The following TSPYL5 variants were observed in gnomAD, a reference collection of about 807,000 sequenced individuals.
TSPYL5 encodes the protein testis-specific Y-encoded-like protein 5.
For synonymous variants in TSPYL5, 276 were observed against 236.1 expected (o/e 1.17, Z -1.55); for missense variants, 556 against 555.5 (o/e 1.00, Z -0.01).
Position 97,276,946 on chromosome 8 carries a change from C to T in TSPYL5, c.899G>A (p.Arg300His). The change falls in exon 1 of 1, where the codon CGC (arginine) becomes CAC (histidine). Residue 300 changes from arginine to histidine, a missense_variant. By Grantham distance (29) the Arg-to-His change is conservative. Coordinates refer to ENST00000322128, the MANE Select transcript of TSPYL5 (RefSeq NM_033512.3). ...LGYKIKFYFD[R>H]NPYFQNKVLI... ...CACCTTATTTTGGAAATACGGGTTG[C>T]GATCGAAGTAGAACTTGATTTTGTA... The T allele has an allele frequency of 1.2e-6, 2 of 1,614,164 alleles. No individual in the cohort carries two copies. The highest frequency in any genetic ancestry group is 1.1e-5 in the South Asian group (1 of 91,076).
Position 97,276,506 on chromosome 8 carries a change from GC to G in TSPYL5, c.*84del, listed in dbSNP as rs1272372113. 6.7e-7 allele frequency: 1 copy of G among 1,497,740 alleles called. No individual in the cohort carries two copies. The allele number at this position is 1,497,740 out of a possible 1,614,324, so 92.8% of individuals were successfully genotyped here. A position where few individuals can be genotyped will look rare whatever the true frequency, so the allele number is the denominator to read the frequency against. ...TCCAAAGGGTCTATAGTACACAGAG[GC>G]CAACATGAAGAGAAGGCAGAGAGCC... On this transcript the variant is annotated 3_prime_UTR_variant, in exon 1 of 1. Transcript: ENST00000322128.
chr8:97,276,807 G>C lies in TSPYL5; in HGVS notation c.1038C>G (p.Asn346Lys). 6.2e-7 allele frequency: 1 copy of C among 1,614,200 alleles called. No individual in the cohort carries two copies. Among genetic ancestry groups the C allele is most frequent in the East Asian group, 2.2e-5 (1 of 44,882 alleles). The change falls in exon 1 of 1, where the codon AAC (asparagine) becomes AAG (lysine). Residue 346 changes from asparagine (N) to lysine (K), a missense_variant. Asn to Lys is a moderately conservative substitution (Grantham distance 94, BLOSUM62 0). Coordinates refer to ENST00000322128, the MANE Select transcript of TSPYL5 (RefSeq NM_033512.3). ...LQSLSQGNPENNRSFFGWFSN... is the reference protein window; with the variant it reads ...LQSLSQGNPEKNRSFFGWFSN... ...AAAACCACCCAAAGAAACTACGGTT[G>C]TTTTCTGGGTTTCCCTGGCTTAGGG...
In TSPYL5 at chr8:97,276,751, A is replaced by G; in HGVS notation, c.1094T>C (p.Ile365Thr). ...SNHSSIESDK[I>T]VEIINEELWP... ...CAATTCTTCGTTGATTATCTCCACA[A>G]TCTTGTCAGACTCAATGGAGCTGTG... The change falls in exon 1 of 1, where the codon ATT (isoleucine) becomes ACT (threonine). Residue 365 changes from isoleucine (I) to threonine (T), a missense_variant. Coordinates refer to ENST00000322128, the MANE Select transcript of TSPYL5 (RefSeq NM_033512.3). 6.2e-7 allele frequency: 1 copy of G among 1,614,148 alleles called. No individual in the cohort carries two copies. The highest frequency in any genetic ancestry group is 8.5e-7 in the Non-Finnish European group (1 of 1,180,018).
chr8:97,277,414 G>A lies in TSPYL5; in HGVS notation c.431C>T (p.Pro144Leu), dbSNP rs762970097. ...NAPRVGNRRG[P>L]AGKKAPETCS... Reference sequence around the variant, plus strand: ...GGTTTCTGGGGCCTTCTTCCCGGCAGGGCCACGCCGGTTTCCAACGCGGGG... The same window carrying A: ...GGTTTCTGGGGCCTTCTTCCCGGCAAGGCCACGCCGGTTTCCAACGCGGGG... The change falls in exon 1 of 1, where the codon CCT becomes CTT. Residue 144 changes from proline (P) to leucine (L), a missense_variant. By Grantham distance (98) the Pro-to-Leu change is moderately conservative (BLOSUM62 -3). Coordinates refer to ENST00000322128, the MANE Select transcript of TSPYL5 (RefSeq NM_033512.3). This position sits in a 1 kb window ranked among gnomAD's most constrained non-coding sequence, Gnocchi z 4.5. 2.6e-6 allele frequency: 4 copies of A among 1,562,990 alleles called. No individual in the cohort carries two copies. Among genetic ancestry groups the A allele is most frequent in the South Asian group, 1.2e-5 (1 of 81,984 alleles).
Position 97,274,543 on chromosome 8 carries a change from T to C in TSPYL5, c.*2048A>G, listed in dbSNP as rs1810480574. On this transcript the variant is annotated 3_prime_UTR_variant, in exon 1 of 1. Coordinates refer to ENST00000322128, the MANE Select transcript of TSPYL5 (RefSeq NM_033512.3). ...TTCCAAGCTAGGGAGGTCCCTCCCA[T>C]ACTCTATCACTGAGAGACAGGCATG... 1 of 152,142 alleles carries C rather than the reference T, an allele frequency of 6.6e-6. No individual in the cohort carries two copies. 9.4% of individuals were successfully genotyped at this position (152,142 alleles called of 1,614,324 possible).
Position 97,277,749 on chromosome 8 carries a change from G to A in TSPYL5, c.96C>T (p.Ala32=), listed in dbSNP as rs1274668456. The A allele has an allele frequency of 1.3e-6, 2 of 1,546,780 alleles. No individual in the cohort carries two copies. Among genetic ancestry groups the A allele is most frequent in the Non-Finnish European group, 1.7e-6 (2 of 1,149,614 alleles). Reference sequence around the variant, plus strand: ...ACTGTGAAGGGTCCGGGTCGCGCGGGGCGTCGTCCGGAGCAGGGCGGACTC... The same window carrying A: ...ACTGTGAAGGGTCCGGGTCGCGCGGAGCGTCGTCCGGAGCAGGGCGGACTC... The part of the protein sequence containing the change: ...KARVRPAPDD[A]PRDPDPSQYQ... The change falls in exon 1 of 1, where the codon GCC becomes GCT. Residue 32 remains alanine, a synonymous_variant. Transcript: ENST00000322128. This position sits in a 1 kb window ranked among gnomAD's most constrained non-coding sequence, Gnocchi z 4.5.
chr8:97,276,162 T>G lies in TSPYL5; in HGVS notation c.*429A>C, dbSNP rs1455589998. The G allele has an allele frequency of 5.6e-6, 1 of 178,806 alleles. No individual in the cohort carries two copies. Among genetic ancestry groups the G allele is most frequent in the African/African-American group, 2.4e-5 (1 of 42,086 alleles). The allele number at this position is 178,806 out of a possible 1,614,324, so 11.1% of individuals were successfully genotyped here. A position where few individuals can be genotyped will look rare whatever the true frequency, so the allele number is the denominator to read the frequency against. On this transcript the variant is annotated 3_prime_UTR_variant, in exon 1 of 1. Transcript: ENST00000322128. ...CATTCTGCAGTGGCAATGGAAACGC[T>G]TGCATAGATGACATGCATGGCCAGC...
chr8:97,277,145 G>C lies in TSPYL5; in HGVS notation c.700C>G (p.Arg234Gly). The stretch of plus-strand genomic sequence containing the variant: ...TTCCTGCGCTCCAAGTGCTGCAGTC[G>C]CAACTGCCCAAACTTCCTGGAGAGC... ...LRLSRKFGQL[R>G]LQHLERRNHL... is the part of the protein sequence containing the mutation. The change falls in exon 1 of 1, where the codon CGA (arginine) becomes GGA (glycine). Residue 234 changes from arginine (R) to glycine (G), a missense_variant. Arg to Gly is a moderately radical substitution (Grantham distance 125). Transcript: ENST00000322128. The surrounding 1 kb of genome is among the most constrained non-coding windows in gnomAD (Gnocchi z 4.5). 7 of 1,610,412 alleles carry C rather than the reference G, an allele frequency of 4.3e-6. No individual in the cohort carries two copies. The highest frequency in any genetic ancestry group is 5.9e-6 in the Non-Finnish European group (7 of 1,180,002).
chr8:97,275,991 G>A lies in TSPYL5; in HGVS notation c.*600C>T, dbSNP rs1002962301. On this transcript the variant is annotated 3_prime_UTR_variant, in exon 1 of 1. Coordinates refer to ENST00000322128, the MANE Select transcript of TSPYL5 (RefSeq NM_033512.3). Reference sequence around the variant, plus strand: ...AACTTCATGCATGCCCAGCAGTCAAGTGCCATTCTGCAGAACATCAAGCAG... The same window carrying A: ...AACTTCATGCATGCCCAGCAGTCAAATGCCATTCTGCAGAACATCAAGCAG... 8 of 153,330 alleles carry A rather than the reference G, an allele frequency of 5.2e-5. No homozygotes were observed. Among genetic ancestry groups the A allele is most frequent in the African/African-American group, 1.9e-4 (8 of 41,466 alleles). 9.5% of individuals were successfully genotyped at this position (153,330 alleles called of 1,614,324 possible).
rs1451712036 is a variant in TSPYL5 at position 97,274,398 on chromosome 8, T to C, written c.*2193A>G. On this transcript the variant is annotated 3_prime_UTR_variant, in exon 1 of 1. Transcript: ENST00000322128. ...AAAAATAAAGCATCCAAAGTAACATTATTCCGTTTCTGGTTTGTCTCTGTG... is the reference window on the plus strand; with the variant it reads ...AAAAATAAAGCATCCAAAGTAACATCATTCCGTTTCTGGTTTGTCTCTGTG... 1.3e-5 allele frequency: 2 copies of C among 152,114 alleles called. No individual in the cohort carries two copies. The highest frequency in any genetic ancestry group is 2.9e-5 in the Non-Finnish European group (2 of 68,008). 9.4% of individuals were successfully genotyped at this position (152,114 alleles called of 1,614,324 possible).
chr8:97,276,420 A>G lies in TSPYL5; in HGVS notation c.*171T>C, dbSNP rs762035100. The G allele has an allele frequency of 2.4e-6, 2 of 837,828 alleles. No individual in the cohort carries two copies. The highest frequency in any genetic ancestry group is 1.9e-6 in the Non-Finnish European group (1 of 526,228). 51.9% of individuals were successfully genotyped at this position (837,828 alleles called of 1,614,324 possible). A position where few individuals can be genotyped will look rare whatever the true frequency, so the allele number is the denominator to read the frequency against. ...ATAACATGTGACACTAACGTAGAAAAGCAAGAGGCTATGGGAGGCAAAAGA... is the reference window on the plus strand; with the variant it reads ...ATAACATGTGACACTAACGTAGAAAGGCAAGAGGCTATGGGAGGCAAAAGA... On this transcript the variant is annotated 3_prime_UTR_variant, in exon 1 of 1. Coordinates refer to ENST00000322128, the MANE Select transcript of TSPYL5 (RefSeq NM_033512.3).
At position 97,277,576 on chromosome 8, in the gene TSPYL5, C is replaced by G; in HGVS notation, c.269G>C (p.Arg90Pro). The change falls in exon 1 of 1, where the codon CGG becomes CCG. Residue 90 changes from arginine to proline, a missense_variant. Transcript: ENST00000322128. This position sits in a 1 kb window ranked among gnomAD's most constrained non-coding sequence, Gnocchi z 4.5. ...RLPLDCGLAL[R>P]ARAAGDHGQA... is the part of the protein sequence containing the mutation. ...CCCGTGGTCCCCCGCAGCTCGGGCCCGCAGCGCGAGGCCACAGTCCAGGGG... is the reference window on the plus strand; with the variant it reads ...CCCGTGGTCCCCCGCAGCTCGGGCCGGCAGCGCGAGGCCACAGTCCAGGGG... The G allele has an allele frequency of 6.8e-7, 1 of 1,462,498 alleles. No individual in the cohort carries two copies. The highest frequency in any genetic ancestry group is 1.4e-5 in the South Asian group (1 of 69,982). 90.6% of individuals were successfully genotyped at this position (1,462,498 alleles called of 1,614,324 possible). A position where few individuals can be genotyped will look rare whatever the true frequency, so the allele number is the denominator to read the frequency against.
rs531253030 is a variant in TSPYL5 at position 97,274,303 on chromosome 8, G to C, written c.*2288C>G. The C allele has an allele frequency of 2.0e-5, 3 of 152,000 alleles. No homozygotes were observed. The highest frequency in any genetic ancestry group is 2.0e-4 in the Admixed American group (3 of 15,288). 9.4% of individuals were successfully genotyped at this position (152,000 alleles called of 1,614,324 possible). ...CCATTAGACTAAAATGGGGAAAGTC[G>C]TAAGACTTTAAAGGCAAAATGTGCA... On this transcript the variant is annotated 3_prime_UTR_variant, in exon 1 of 1. Coordinates refer to ENST00000322128, the MANE Select transcript of TSPYL5 (RefSeq NM_033512.3).
rs1326710046 is a variant in TSPYL5 at position 97,274,533 on chromosome 8, G to T, written c.*2058C>A. 1 of 151,978 alleles carries T rather than the reference G, an allele frequency of 6.6e-6. No homozygotes were observed. Among genetic ancestry groups the T allele is most frequent in the Non-Finnish European group, 1.5e-5 (1 of 68,012 alleles). 9.4% of individuals were successfully genotyped at this position (151,978 alleles called of 1,614,324 possible). The stretch of plus-strand genomic sequence containing the variant: ...AATTCTCATTTTCCAAGCTAGGGAG[G>T]TCCCTCCCATACTCTATCACTGAGA... On this transcript the variant is annotated 3_prime_UTR_variant, in exon 1 of 1. Transcript: ENST00000322128.
In TSPYL5 at chr8:97,275,867, A is replaced by T. The variant is rs1027107894; in HGVS notation, c.*724T>A. ...CTTAATGGCTTGATAGTGACACGGC[A>T]TGGCGCAGATCTTGATGAAAGTTCA... On this transcript the variant is annotated 3_prime_UTR_variant, in exon 1 of 1. Transcript: ENST00000322128. 2 of 152,270 alleles carry T rather than the reference A, an allele frequency of 1.3e-5. No homozygotes were observed. Among genetic ancestry groups the T allele is most frequent in the Non-Finnish European group, 2.9e-5 (2 of 68,096 alleles). 9.4% of individuals were successfully genotyped at this position (152,270 alleles called of 1,614,324 possible).
Position 97,276,811 on chromosome 8 carries a change from T to C in TSPYL5, c.1034A>G (p.Glu345Gly). 6.2e-7 allele frequency: 1 copy of C among 1,614,204 alleles called. No individual in the cohort carries two copies. The highest frequency in any genetic ancestry group is 8.5e-7 in the Non-Finnish European group (1 of 1,180,028). ...CCACCCAAAGAAACTACGGTTGTTTTCTGGGTTTCCCTGGCTTAGGGACTG... is the reference window on the plus strand; with the variant it reads ...CCACCCAAAGAAACTACGGTTGTTTCCTGGGTTTCCCTGGCTTAGGGACTG... ...DLQSLSQGNP[E>G]NNRSFFGWFS... Residue 345 changes from glutamate (E) to glycine (G), a missense_variant, in exon 1 of 1, where the codon GAA (glutamate) becomes GGA (glycine). Glu to Gly is a moderately conservative substitution (Grantham distance 98). Transcript: ENST00000322128.
chr8:97,276,178 C>A lies in TSPYL5; in HGVS notation c.*413G>T. The A allele has an allele frequency of 5.4e-6, 1 of 186,058 alleles. No individual in the cohort carries two copies. Among genetic ancestry groups the A allele is most frequent in the Non-Finnish European group, 1.1e-5 (1 of 89,464 alleles). The allele number at this position is 186,058 out of a possible 1,614,324, so 11.5% of individuals were successfully genotyped here. A position where few individuals can be genotyped will look rare whatever the true frequency, so the allele number is the denominator to read the frequency against. ...TGGAAACGCTTGCATAGATGACATG[C>A]ATGGCCAGCATGAACACGAAGCCCA... On this transcript the variant is annotated 3_prime_UTR_variant, in exon 1 of 1. Coordinates refer to ENST00000322128, the MANE Select transcript of TSPYL5 (RefSeq NM_033512.3).
In TSPYL5 at chr8:97,277,281, C is replaced by G. The variant is rs1022750346; in HGVS notation, c.564G>C (p.Glu188Asp). 1 of 1,613,676 alleles carries G rather than the reference C, an allele frequency of 6.2e-7. No individual in the cohort carries two copies. The highest frequency in any genetic ancestry group is 8.5e-7 in the Non-Finnish European group (1 of 1,179,692). ...CTGGGGGCCCCGACCCTGCATCCCT[C>G]TCTTCCTTCTTTTCCTCCCCAGCTG... The part of the protein sequence containing the change: ...SVSAGEEKKE[E>D]RDAGSGPPAT... Residue 188 changes from glutamate to aspartate, a missense_variant, in exon 1 of 1, where the codon GAG (glutamate) becomes GAC (aspartate). Glu to Asp is a conservative substitution (Grantham distance 45, BLOSUM62 2). Transcript: ENST00000322128. This position sits in a 1 kb window ranked among gnomAD's most constrained non-coding sequence, Gnocchi z 4.5.
Position 97,276,826 on chromosome 8 carries a change from C to T in TSPYL5, c.1019G>A (p.Ser340Asn), listed in dbSNP as rs1477453305. Residue 340 changes from serine to asparagine, a missense_variant, in exon 1 of 1, where the codon AGC (serine) becomes AAC (asparagine). Transcript: ENST00000322128. ...ACGGTTGTTTTCTGGGTTTCCCTGG[C>T]TTAGGGACTGGAGATCATGCCCTGG... is the stretch of plus-strand genomic sequence containing the variant. ...WLPGHDLQSL[S>N]QGNPENNRSF... is the part of the protein sequence containing the mutation. 1 of 1,614,054 alleles carries T rather than the reference C, an allele frequency of 6.2e-7. No individual in the cohort carries two copies. Among genetic ancestry groups the T allele is most frequent in the Non-Finnish European group, 8.5e-7 (1 of 1,180,040 alleles).
Sources: allele counts gnomAD v4.1 joint callset, GRCh38; gene constraint gnomAD v4.1.1; non-coding constraint Gnocchi (gnomAD v3.1); transcripts MANE v1.5; gene names NCBI Gene and HGNC (gene_info 2026-07-23, HGNC 2026-07-21).